MARCHF9: variants seen among roughly 807,000 people sequenced by gnomAD.
The protein encoded by MARCHF9 is membrane associated ring-CH-type finger 9.
In MARCHF9, 17 loss-of-function variants were observed where a neutral mutation model predicts 35.2. The observed-to-expected ratio is 0.48, with a 90% CI of 0.33 to 0.72. The LOEUF is 0.72. Ranked by LOEUF, MARCHF9 falls within the 30% of genes least tolerant of loss-of-function variation. MARCHF9 has a pLI of 0.02. For synonymous variants in MARCHF9, 183 were observed against 207.4 expected (o/e 0.88, Z 1.01); for missense variants, 386 against 478.2 (o/e 0.81, Z 1.80).
At chr12:57,757,194 C>T (rs1470707289) in intron 2 of MARCHF9, 110 bp downstream of exon 2, 2 of 1,171,000 alleles carry the variant, frequency 1.7e-6, no homozygotes, top group South Asian at 1.8e-5. Flanking sequence ...AGCCACCCTT[C>T]CCCGCCAGTT....
chr12:57,755,843 C>A lies in MARCHF9; in HGVS notation c.315C>A (p.Leu105=). 3 of 1,525,568 alleles carry A rather than the reference C, an allele frequency of 2.0e-6. No homozygotes were observed. In the South Asian group the frequency reaches 3.5e-5, roughly 18 times the overall value. The allele number at this position is 1,525,568 out of a possible 1,614,324, so 94.5% of individuals were successfully genotyped here. A position where few individuals can be genotyped will look rare whatever the true frequency, so the allele number is the denominator to read the frequency against. Residue 105 remains leucine (L), a synonymous_variant, in exon 1 of 4, where the codon CTC becomes CTA. Coordinates refer to ENST00000266643, the MANE Select transcript of MARCHF9 (RefSeq NM_138396.6). ...LSLSSSLDSG[L]RTPQCRICFQ... is the part of the protein sequence containing the mutation. ...TCAGCAGTAGCCTGGACAGCGGACT[C>A]CGAACCCCTCAGTGCCGGATCTGCT...
In MARCHF9 at chr12:57,756,970, C is replaced by G. The variant is rs1955291220; in HGVS notation, c.399C>G (p.Arg133=). 1 of 1,598,942 alleles carries G rather than the reference C, an allele frequency of 6.3e-7. No individual in the cohort carries two copies. Among genetic ancestry groups the G allele is most frequent in the Non-Finnish European group, 8.5e-7 (1 of 1,173,370 alleles). The change falls in exon 2 of 4, where the codon CGC becomes CGG. Residue 133 remains arginine, a synonymous_variant. Transcript: ENST00000266643. ...LSPCRCDGSV[R]CTHQPCLIRW... is the part of the protein sequence containing the mutation. The stretch of plus-strand genomic sequence containing the variant: ...CCTGCCGCTGCGACGGCTCAGTGCG[C>G]TGCACGCATCAGCCCTGCCTCATCC...
intron 1 of MARCHF9, among the ~76,000 whole-genome samples, chr12:57,756,287 C>T (rs996169505): frequency 3.9e-5 from 6 of 152,304 alleles, no homozygotes; most frequent in African/African-American, 1.4e-4. Flanking sequence ...GTATTTCTCC[C>T]CGTGGGGCAC....
chr12:57,756,694 C>T (rs960753752), intron 1 of MARCHF9, among the ~76,000 whole-genome samples: 9 of 152,170 alleles, frequency 5.9e-5, no homozygotes, highest in East Asian at 1.9e-4. Flanking sequence ...CCCCTCTAAT[C>T]CCCCCATCCC....
rs1013662037 is a variant in MARCHF9 at position 57,756,975 on chromosome 12, C to T, written c.404C>T (p.Thr135Met). ...CGCTGCGACGGCTCAGTGCGCTGCACGCATCAGCCCTGCCTCATCCGCTGG... is the reference window on the plus strand; with the variant it reads ...CGCTGCGACGGCTCAGTGCGCTGCATGCATCAGCCCTGCCTCATCCGCTGG... Reference protein sequence around the residue: ...PCRCDGSVRCTHQPCLIRWIS... With the variant: ...PCRCDGSVRCMHQPCLIRWIS... The change falls in exon 2 of 4, where the codon ACG becomes ATG. Residue 135 changes from threonine to methionine, a missense_variant. Thr to Met is a moderately conservative substitution (Grantham distance 81). Transcript: ENST00000266643. 1.9e-6 allele frequency: 3 copies of T among 1,599,182 alleles called. No homozygotes were observed. The highest frequency in any genetic ancestry group is 2.7e-5 in the African/African-American group (2 of 74,530).
At position 57,758,002 on chromosome 12, in the gene MARCHF9, T is replaced by G. The variant is rs1302042499; in HGVS notation, c.514-106T>G. The G allele has an allele frequency of 3.5e-6, 4 of 1,142,660 alleles. No individual in the cohort carries two copies. In the South Asian group the frequency reaches 4.9e-5, roughly 14 times the overall value. 70.8% of individuals were successfully genotyped at this position (1,142,660 alleles called of 1,614,324 possible). A position where few individuals can be genotyped will look rare whatever the true frequency, so the allele number is the denominator to read the frequency against. ...AGAGAAGACAGATGTTGATCCTGCC[T>G]GAAGGTTTTAGGGAAGGTTCCTGGA... On this transcript the variant is annotated intron_variant, in intron 2 of 3. Transcript: ENST00000266643. This position sits in a 1 kb window ranked among gnomAD's most constrained non-coding sequence, Gnocchi z 5.4.
At chr12:57,757,680 ATGT>A (rs917927092) in intron 2 of MARCHF9, 7 of 420,518 alleles carry the variant, frequency 1.7e-5, no homozygotes, top group African/African-American at 1.0e-4. Flanking sequence ...AGAAAAAATG[ATGT>A]TGATGATGAT....
chr12:57,757,209 C>T, intron 2 of MARCHF9, 125 bp downstream of exon 2: 2 of 455,260 alleles, frequency 4.4e-6, no homozygotes, highest in South Asian at 5.2e-5. Flanking sequence ...CCAGTTACCA[C>T]AGTCTCCCGT....
intron 2 of MARCHF9, chr12:57,757,533 G>T: frequency 5.1e-6 from 1 of 197,134 alleles, no homozygotes; most frequent in Admixed American, 5.5e-5. Flanking sequence ...GTGCCTGTAA[G>T]CTACTCGCGA....
At position 57,755,490 on chromosome 12, in the gene MARCHF9, C is replaced by A; in HGVS notation, c.-39C>A. ...TCCCCTCCCCCCGCCGCTAGCGAGC[C>A]CCCCTTGCACGCTGCCCCCCGCCCC... On this transcript the variant is annotated 5_prime_UTR_variant, in exon 1 of 4. Transcript: ENST00000266643. 1.3e-6 allele frequency: 1 copy of A among 753,096 alleles called. No homozygotes were observed. The highest frequency in any genetic ancestry group is 1.8e-6 in the Non-Finnish European group (1 of 558,474). The allele number at this position is 753,096 out of a possible 1,614,324, so 46.7% of individuals were successfully genotyped here. A position where few individuals can be genotyped will look rare whatever the true frequency, so the allele number is the denominator to read the frequency against.
chr12:57,758,624 C>A lies in MARCHF9; in HGVS notation c.768C>A (p.Asn256Lys). ...TCTTCAAGCGCTGGCAGGCAGTGAA[C>A]CAGCAGTGGAAGGTCCTAAATTATG... Reference protein sequence around the residue: ...YRIFKRWQAVNQQWKVLNYDK... With the variant: ...YRIFKRWQAVKQQWKVLNYDK... Residue 256 changes from asparagine (N) to lysine (K), a missense_variant, in exon 4 of 4, where the codon AAC becomes AAA. Asn to Lys is a moderately conservative substitution (Grantham distance 94). Around this residue, in one of 3 missense-constraint regions of MARCHF9, gnomAD observed 219 missense variants for 316.2 expected, o/e 0.69. Coordinates refer to ENST00000266643, the MANE Select transcript of MARCHF9 (RefSeq NM_138396.6). The surrounding 1 kb of genome is among the most constrained non-coding windows in gnomAD (Gnocchi z 5.4). The A allele has an allele frequency of 6.2e-7, 1 of 1,614,060 alleles. No individual in the cohort carries two copies. The highest frequency in any genetic ancestry group is 8.5e-7 in the Non-Finnish European group (1 of 1,179,978).
intron 2 of MARCHF9, chr12:57,757,352 G>GAAAGA (rs1336142536): frequency 6.7e-6 from 2 of 298,764 alleles, no homozygotes; most frequent in Non-Finnish European, 1.2e-5. Flanking sequence ...AAAGAAAAAA[G>GAAAGA]AAAGAAAAGA....
rs1188173829 is a variant in MARCHF9 at position 57,755,333 on chromosome 12, G to C, written c.-196G>C. On this transcript the variant is annotated 5_prime_UTR_variant, in exon 1 of 4. Coordinates refer to ENST00000266643, the MANE Select transcript of MARCHF9 (RefSeq NM_138396.6). ...CATGGCCGCCCACCCCGCCGCCCCC[G>C]GGCCGCCAGCCCGCTCGGCCCCGCA... The C allele has an allele frequency of 7.1e-4, 35 of 49,182 alleles. No homozygotes were observed. The highest frequency in any genetic ancestry group is 9.8e-4 in the Non-Finnish European group (26 of 26,426). The allele number at this position is 49,182 out of a possible 1,614,324, so 3.0% of individuals were successfully genotyped here. A position where few individuals can be genotyped will look rare whatever the true frequency, so the allele number is the denominator to read the frequency against.
In MARCHF9 at chr12:57,758,515, T is replaced by C. The variant is rs550726404; in HGVS notation, c.707-48T>C. On this transcript the variant is annotated intron_variant, in intron 3 of 3. Coordinates refer to ENST00000266643, the MANE Select transcript of MARCHF9 (RefSeq NM_138396.6). This position sits in a 1 kb window ranked among gnomAD's most constrained non-coding sequence, Gnocchi z 5.4. ...AATGCTTGCTTAAGTACCTCTGGCC[T>C]AGATCTAGGCCACAGTTAACCCTGG... 1.6e-5 allele frequency: 25 copies of C among 1,527,970 alleles called. No individual in the cohort carries two copies. The highest frequency in any genetic ancestry group is 2.1e-5 in the Non-Finnish European group (24 of 1,133,762). 94.7% of individuals were successfully genotyped at this position (1,527,970 alleles called of 1,614,324 possible).
chr12:57,756,909 C>T lies in MARCHF9; in HGVS notation c.358-20C>T. On this transcript the variant is annotated intron_variant, in intron 1 of 3. Transcript: ENST00000266643. ...CGGGGTGGTGATGGCTGACAGGGCC[C>T]CTCCTCACTCTTCCTCCAGGGGGAG... 6.7e-7 allele frequency: 1 copy of T among 1,495,822 alleles called. No individual in the cohort carries two copies. The highest frequency in any genetic ancestry group is 2.5e-5 in the East Asian group (1 of 39,434). 92.7% of individuals were successfully genotyped at this position (1,495,822 alleles called of 1,614,324 possible).
chr12:57,757,175 T>C, intron 2 of MARCHF9, 91 bp downstream of exon 2: 1 of 1,381,154 alleles, frequency 7.2e-7, no homozygotes, highest in East Asian at 2.8e-5. Flanking sequence ...TCATTTACTC[T>C]TTTCCCAAAG....
chr12:57,756,880 G>A (rs934077084), intron 1 of MARCHF9, 49 bp from the exon 2 acceptor site: 1 of 1,425,016 alleles, frequency 7.0e-7, no homozygotes, highest in Non-Finnish European at 9.2e-7. Context: ...CGGCTGAGTG[G>A]GGTCGGGGTG....
In MARCHF9 at chr12:57,755,621, G is replaced by T. The variant is rs1325567684; in HGVS notation, c.93G>T (p.Arg31=). The change falls in exon 1 of 4, where the codon CGG becomes CGT. Residue 31 remains arginine, a synonymous_variant. Transcript: ENST00000266643. ...GGCCCCGGGCCGAGCCGCAACCCCG[G>T]GGGGGCCGGGGAGGCGGCTGCGGCT... ...GGRPRAEPQP[R]GGRGGGCGWA... is the part of the protein sequence containing the mutation. 3.0e-6 allele frequency: 4 copies of T among 1,336,368 alleles called. No homozygotes were observed. Among genetic ancestry groups the T allele is most frequent in the Non-Finnish European group, 1.9e-6 (2 of 1,048,084 alleles). The allele number at this position is 1,336,368 out of a possible 1,614,324, so 82.8% of individuals were successfully genotyped here. A position where few individuals can be genotyped will look rare whatever the true frequency, so the allele number is the denominator to read the frequency against.
At position 57,755,464 on chromosome 12, in the gene MARCHF9, C is replaced by T. The variant is rs1187948565; in HGVS notation, c.-65C>T. Reference sequence around the variant, plus strand: ...CGCGCCCCCTTCCCGGCCTTGTCCTCTCCCCTCCCCCCGCCGCTAGCGAGC... The same window carrying T: ...CGCGCCCCCTTCCCGGCCTTGTCCTTTCCCCTCCCCCCGCCGCTAGCGAGC... On this transcript the variant is annotated 5_prime_UTR_variant, in exon 1 of 4. Coordinates refer to ENST00000266643, the MANE Select transcript of MARCHF9 (RefSeq NM_138396.6). 34 of 767,808 alleles carry T rather than the reference C, an allele frequency of 4.4e-5. No individual in the cohort carries two copies. Among genetic ancestry groups the T allele is most frequent in the Admixed American group, 3.7e-4 (8 of 21,826 alleles). The allele number at this position is 767,808 out of a possible 1,614,324, so 47.6% of individuals were successfully genotyped here. A position where few individuals can be genotyped will look rare whatever the true frequency, so the allele number is the denominator to read the frequency against.
Sources: gnomAD v4.1 joint callset for allele counts (sites outside exome capture counted in the v4.1 genomes callset) on GRCh38, gnomAD v4.1.1 for gene constraint, gnomAD v4.1.1 regional missense constraint, Gnocchi (gnomAD v3.1) non-coding constraint, MANE v1.5 for transcripts, NCBI Gene and HGNC (gene_info 2026-07-23, HGNC 2026-07-21) for gene names.